Variants in ENOX1 observed in about 807,000 individuals in gnomAD.
ENOX1 encodes the protein ecto-NOX disulfide-thiol exchanger 1, also known as candidate growth-related and time keeping constitutive hydroquinone (NADH) oxidase.
ENOX1 carries 42 observed loss-of-function variants against 82.5 expected under a neutral mutation model. The observed-to-expected ratio is 0.51, with a 90% CI of 0.40 to 0.66. The LOEUF (loss-of-function observed/expected upper bound fraction) is 0.66, where lower values mean the gene tolerates loss of function less well. ENOX1 is among the 30% of genes least tolerant of loss of function. The pLI is 0.00. For synonymous variants in ENOX1, 271 were observed against 282.2 expected (o/e 0.96, Z 0.40); for missense variants, 608 against 811.6 (o/e 0.75, Z 3.05).
chr13:43,503,187 G>A (rs2077040860), intron 2 of ENOX1, among the ~76,000 whole-genome samples: 1 of 151,432 alleles, frequency 6.6e-6, no homozygotes, highest in African/African-American at 2.4e-5. Context: ...CACAAAAACT[G>A]TAAAACACCG....
chr13:43,571,184 C>T (rs372904783), intron 2 of ENOX1, among the ~76,000 whole-genome samples: 4 of 152,128 alleles, frequency 2.6e-5, no homozygotes, highest in Non-Finnish European at 5.9e-5. Context: ...TCTACCAATG[C>T]CTGTAACTGG....
In ENOX1 at chr13:43,265,452, T is replaced by G; in HGVS notation, c.1557A>C (p.Leu519Phe). 6.2e-7 allele frequency: 1 copy of G among 1,611,918 alleles called. No homozygotes were observed. The highest frequency in any genetic ancestry group is 8.5e-7 in the Non-Finnish European group (1 of 1,178,880). Residue 519 changes from leucine (L) to phenylalanine (F), a missense_variant and splice_region_variant, in exon 14 of 17, where the codon TTA becomes TTC. Physicochemically the swap from Leu to Phe is conservative, Grantham distance 22. Coordinates refer to ENST00000690772, the MANE Select transcript of ENOX1 (RefSeq NM_001347969.2). The part of the protein sequence containing the change: ...QALLKVLQEQ[L>F]KGTKELVETN... ...TCTCGACCAATTCCTTGGTACCTTT[T>G]AACTGCAAATTTTAAGGAAAAACAA...
chr13:43,347,936 G>A (rs1445489131), intron 8 of ENOX1, among the ~76,000 whole-genome samples: 3 of 152,152 alleles, frequency 2.0e-5, no homozygotes, highest in Non-Finnish European at 1.5e-5. Context: ...ATTACCCACC[G>A]TTTTCTAATC....
chr13:43,214,156 G>C, intron 16 of ENOX1, 35 bp from the exon 17 acceptor site: 1 of 1,604,266 alleles, frequency 6.2e-7, no homozygotes, highest in South Asian at 1.1e-5. Context: ...TTTGGGGAAA[G>C]GAACTCATCT....
intron 1 of ENOX1, among the ~76,000 whole-genome samples, chr13:43,670,758 G>C (rs2153790760): frequency 6.6e-6 from 1 of 152,156 alleles, no homozygotes; most frequent in Non-Finnish European, 1.5e-5. Context: ...CAGGAGAATT[G>C]CTTGAGCCCA....
intron 11 of ENOX1, among the ~76,000 whole-genome samples, chr13:43,302,327 T>G (rs1351855976): frequency 1.3e-5 from 2 of 152,170 alleles, no homozygotes; most frequent in African/African-American, 2.4e-5. Context: ...TAGTGGTGCC[T>G]CTGGATTACC....
rs553504525 is a variant in ENOX1 at position 43,541,173 on chromosome 13, G to GTTTTTTTTTTTTTTTTTTTTTT, written c.-218-57043_-218-57022dup. 3.1e-4 allele frequency among the ~76,000 whole-genome samples: 20 copies of GTTTTTTTTTTTTTTTTTTTTTT among 64,582 alleles called. 4 individuals carry two copies. The highest frequency in any genetic ancestry group is 5.5e-4 in the Non-Finnish European group (17 of 31,176). The allele number at this position is 64,582 out of a possible 152,430, so 42.4% of individuals were successfully genotyped here. ...CTCCAACCTTACACTTCTTCCCTCT[G>GTTTTTTTTTTTTTTTTTTTTTT]TTTTTTTTTTTTTTTTTTTTTTTTT... On this transcript the variant is annotated intron_variant, in intron 2 of 16. Coordinates refer to ENST00000690772, the MANE Select transcript of ENOX1 (RefSeq NM_001347969.2).
intron 2 of ENOX1, among the ~76,000 whole-genome samples, chr13:43,562,619 A>G (rs562742435): frequency 6.6e-6 from 1 of 152,222 alleles, no homozygotes; most frequent in East Asian, 1.9e-4. Flanking sequence ...TAAACAAAAA[A>G]CAAGCCCCAA....
chr13:43,575,566 C>T lies in ENOX1; in HGVS notation c.-218-91414G>A, dbSNP rs185968179. On this transcript the variant is annotated intron_variant, in intron 2 of 16. Transcript: ENST00000690772. ...TTTATTAAACTGTTCCTAAGAAGAA[C>T]CTCTGCCTTCCTGTTGACCTTAAAA... Among the ~76,000 whole-genome samples, 162 of 152,244 alleles carry T rather than the reference C, an allele frequency of 1.1e-3. 1 individual carries two copies. The highest frequency in any genetic ancestry group is 2.5e-4 in the Non-Finnish European group (17 of 68,012).
intron 5 of ENOX1, among the ~76,000 whole-genome samples, chr13:43,377,190 G>A (rs1238987955): frequency 6.6e-6 from 1 of 152,202 alleles, no homozygotes; most frequent in Non-Finnish European, 1.5e-5. Context: ...GAGTGGATTA[G>A]TTATTGTAGG....
intron 7 of ENOX1, among the ~76,000 whole-genome samples, chr13:43,358,401 G>A (rs1022477717): frequency 6.7e-6 from 1 of 149,924 alleles, no homozygotes; most frequent in Non-Finnish European, 1.5e-5. Flanking sequence ...CATATTTGGA[G>A]GGCTGACTTT....
chr13:43,759,707 C>A (rs1950854746), intron 1 of ENOX1, among the ~76,000 whole-genome samples: 1 of 152,090 alleles, frequency 6.6e-6, no homozygotes, highest in Non-Finnish European at 1.5e-5. Context: ...GACTTTTTTT[C>A]ATCACCTTGG....
Position 43,516,403 on chromosome 13 carries a change from T to C in ENOX1, c.-218-32251A>G, listed in dbSNP as rs74691075. Among the ~76,000 whole-genome samples the C allele has an allele frequency of 8.9e-3, 1,357 of 152,230 alleles. 28 individuals carry two copies. In the East Asian group the frequency reaches 0.098, roughly 11 times the overall value. On this transcript the variant is annotated intron_variant, in intron 2 of 16. Transcript: ENST00000690772. Reference sequence around the variant, plus strand: ...TGTTGCACAAAAGGGAGTGTACACGTTAGAGAAGGTTTGCCTCAGTGCTAT... The same window carrying C: ...TGTTGCACAAAAGGGAGTGTACACGCTAGAGAAGGTTTGCCTCAGTGCTAT...
chr13:43,242,857 C>T (rs1374477978), intron 14 of ENOX1, among the ~76,000 whole-genome samples: 8 of 152,186 alleles, frequency 5.3e-5, no homozygotes, highest in East Asian at 1.9e-4. Flanking sequence ...GTCCTTAGGC[C>T]GGGTGCAGTG....
chr13:43,625,754 T>A (rs1180802608), intron 2 of ENOX1, among the ~76,000 whole-genome samples: 1 of 151,840 alleles, frequency 6.6e-6, no homozygotes, highest in Non-Finnish European at 1.5e-5. Flanking sequence ...TAATATTTGC[T>A]AAGTATTTTT....
chr13:43,752,578 A>AT (rs1950379253), intron 1 of ENOX1, among the ~76,000 whole-genome samples: 1 of 152,038 alleles, frequency 6.6e-6, no homozygotes, highest in African/African-American at 2.4e-5. Flanking sequence ...TTTGATGTTC[A>AT]TTTTTTGCTT....
At chr13:43,264,262 T>C (rs1370013773) in intron 14 of ENOX1, among the ~76,000 whole-genome samples, 2 of 152,238 alleles carry the variant, frequency 1.3e-5, no homozygotes, top group Admixed American at 6.5e-5. Context: ...AAAGTCTGGA[T>C]TTCAAACTAC....
At chr13:43,640,434 C>G (rs2083585961) in intron 2 of ENOX1, among the ~76,000 whole-genome samples, 1 of 152,098 alleles carries the variant, frequency 6.6e-6, no homozygotes, top group South Asian at 2.1e-4. Flanking sequence ...TCCAGCAATC[C>G]ATGGTGTATC....
intron 1 of ENOX1, among the ~76,000 whole-genome samples, chr13:43,751,901 T>C (rs1437243923): frequency 1.3e-5 from 2 of 152,132 alleles, no homozygotes; most frequent in African/African-American, 4.8e-5. Context: ...AACTGAGGAG[T>C]GGAAATAAAT....
Sources: allele counts gnomAD v4.1 joint callset (sites outside exome capture counted in the v4.1 genomes callset), GRCh38; gene constraint gnomAD v4.1.1; transcripts MANE v1.5; gene names NCBI Gene and HGNC (gene_info 2026-07-23, HGNC 2026-07-21).